ANPEP: variants seen among roughly 807,000 people sequenced by gnomAD.
ANPEP encodes the protein alanyl aminopeptidase, membrane, also known as aminopeptidase N.
ANPEP carries 70 observed loss-of-function variants against 114.6 expected under a neutral mutation model. The ratio of observed to expected loss-of-function variants is 0.61; its 90% CI spans 0.50 to 0.75. The LOEUF (loss-of-function observed/expected upper bound fraction) is 0.75, where lower values mean the gene tolerates loss of function less well. ANPEP is among the 30% of genes least tolerant of loss of function. The probability of loss-of-function intolerance (pLI) is 0.00; values close to 1 mark genes in which losing one functional copy is unlikely to be tolerated. For synonymous variants in ANPEP, 548 were observed against 522.3 expected, an observed-to-expected ratio of 1.05 and a Z score of -0.67; for missense variants, 1,184 against 1,259.5, an observed-to-expected ratio of 0.94 and a Z score of 0.91.
At position 89,799,567 on chromosome 15, in the gene ANPEP, G is replaced by T; in HGVS notation, c.1820-8C>A. 2 of 1,614,198 alleles carry T rather than the reference G, an allele frequency of 1.2e-6. No homozygotes were observed. Among genetic ancestry groups the T allele is most frequent in the Non-Finnish European group, 1.7e-6 (2 of 1,180,042 alleles). ...TGAAGAGATCGTTCTGGGCTGTGGAGAGGGACGAGACCTGGGCAGGGCTGC... is the reference window on the plus strand; with the variant it reads ...TGAAGAGATCGTTCTGGGCTGTGGATAGGGACGAGACCTGGGCAGGGCTGC... On this transcript the variant is annotated splice_polypyrimidine_tract_variant and splice_region_variant and intron_variant, in intron 12 of 20. Coordinates refer to ENST00000300060, the MANE Select transcript of ANPEP (RefSeq NM_001150.3). The surrounding 1 kb of genome is among the most constrained non-coding windows in gnomAD (Gnocchi z 4.2).
rs748870005 is a variant in ANPEP, at chr15:89,806,137, G to A, written c.447C>T (p.Asp149=). The A allele has an allele frequency of 5.0e-6, 8 of 1,614,100 alleles. No homozygotes were observed. The highest frequency in any genetic ancestry group is 3.3e-5 in the Admixed American group (2 of 60,014). ...LRGVGGSQPP[D]IDKTELVEPT... ...GCTCCACCAGCTCAGTCTTGTCAAT[G>A]TCGGGGGGCTGGGAGCCTCCCACAC... The change falls in exon 2 of 21, where the codon GAC becomes GAT. Residue 149 remains aspartate, a synonymous_variant. Coordinates refer to ENST00000300060, the MANE Select transcript of ANPEP (RefSeq NM_001150.3). This position sits in a 1 kb window ranked among gnomAD's most constrained non-coding sequence, Gnocchi z 5.7.
intron 1 of ANPEP, among the ~76,000 whole-genome samples, chr15:89,807,721 C>T (rs972401459): frequency 2.0e-5 from 3 of 152,146 alleles, no homozygotes; most frequent in Non-Finnish European, 4.4e-5. Flanking sequence ...AAATCGTTCC[C>T]TTCTTTCTTA....
chr15:89,786,231 T>C (rs1320469909), intron 20 of ANPEP, among the ~76,000 whole-genome samples: 1 of 152,060 alleles, frequency 6.6e-6, no homozygotes, highest in African/African-American at 2.4e-5. Context: ...TGCCAAAAAC[T>C]ACAAAACATT....
Position 89,804,548 on chromosome 15 carries a change from G to A in ANPEP, c.967C>T (p.Pro323Ser), listed in dbSNP as rs1039228489. Residue 323 changes from proline (P) to serine (S), a missense_variant, in exon 5 of 21, where the codon CCC becomes TCC. Pro to Ser is a moderately conservative substitution (Grantham distance 74). Transcript: ENST00000300060. ...TGACCAGCAAAGAAGTTAAGGATGG[G>A]GCCCGTCACGTTCAGGGCATAATCG... ...HGDYALNVTG[P>S]ILNFFAGHYD... 3.1e-6 allele frequency: 5 copies of A among 1,614,076 alleles called. No homozygotes were observed. The highest frequency in any genetic ancestry group is 4.2e-6 in the Non-Finnish European group (5 of 1,180,032).
chr15:89,790,356 C>G, intron 20 of ANPEP, 104 bp downstream of exon 20: 1 of 983,256 alleles, frequency 1.0e-6, no homozygotes, highest in Non-Finnish European at 1.6e-6. Flanking sequence ...GGCCTGGCGG[C>G]GTGGAGCCTG....
chr15:89,795,755 A>T (rs1453138453), intron 15 of ANPEP, among the ~76,000 whole-genome samples: 1 of 152,208 alleles, frequency 6.6e-6, no homozygotes, highest in African/African-American at 2.4e-5. Context: ...CCTCTCATGA[A>T]CCCTTTCTCA....
At chr15:89,792,940 C>G (rs1049187091) in intron 16 of ANPEP, 95 bp downstream of exon 16, 1 of 1,109,164 alleles carries the variant, frequency 9.0e-7, no homozygotes, top group Non-Finnish European at 1.4e-6. Flanking sequence ...CTGGTGCCCC[C>G]GCATTGAGAG....
At chr15:89,809,727 AAG>A (rs1224082386) in intron 1 of ANPEP, among the ~76,000 whole-genome samples, 1 of 152,190 alleles carries the variant, frequency 6.6e-6, no homozygotes, top group African/African-American at 2.4e-5. Flanking sequence ...GGCTCTGCCT[AAG>A]AGTGTGGGTG....
At position 89,804,520 on chromosome 15, in the gene ANPEP, T is replaced by C. The variant is rs1894667510; in HGVS notation, c.995A>G (p.Tyr332Cys). Reference sequence around the variant, plus strand: ...TTTTGGGAGTGGGTAGGGTGTGTCATAATGACCAGCAAAGAAGTTAAGGAT... The same window carrying C: ...TTTTGGGAGTGGGTAGGGTGTGTCACAATGACCAGCAAAGAAGTTAAGGAT... ...GPILNFFAGH[Y>C]DTPYPLPKSD... is the part of the protein sequence containing the mutation. Residue 332 changes from tyrosine (Y) to cysteine (C), a missense_variant, in exon 5 of 21, where the codon TAT (tyrosine) becomes TGT (cysteine). Transcript: ENST00000300060. The C allele has an allele frequency of 3.7e-6, 6 of 1,614,036 alleles. No individual in the cohort carries two copies. Among genetic ancestry groups the C allele is most frequent in the African/African-American group, 2.7e-5 (2 of 74,908 alleles).
In ANPEP at chr15:89,806,714, C is replaced by A. The variant is rs1332125533; in HGVS notation, c.-131G>T. The A allele has an allele frequency of 7.2e-7, 1 of 1,391,882 alleles. No individual in the cohort carries two copies. The highest frequency in any genetic ancestry group is 9.5e-7 in the Non-Finnish European group (1 of 1,057,730). The allele number at this position is 1,391,882 out of a possible 1,614,324, so 86.2% of individuals were successfully genotyped here. A position where few individuals can be genotyped will look rare whatever the true frequency, so the allele number is the denominator to read the frequency against. ...ACTGGGCAAAAATTAACCAGGGCTC[C>A]AACAGGCGAAGGTCACTGGACTGGG... On this transcript the variant is annotated 5_prime_UTR_variant, in exon 2 of 21. Transcript: ENST00000300060. The surrounding 1 kb of genome is among the most constrained non-coding windows in gnomAD (Gnocchi z 5.7).
intron 1 of ANPEP, among the ~76,000 whole-genome samples, chr15:89,808,659 C>G (rs1316756830): frequency 6.6e-6 from 1 of 152,188 alleles, no homozygotes; most frequent in Non-Finnish European, 1.5e-5. Context: ...CTTCTCCAAG[C>G]ATGGCAGGCA....
chr15:89,790,948 C>T lies in ANPEP; in HGVS notation c.2669+5G>A. 1 of 1,613,740 alleles carries T rather than the reference C, an allele frequency of 6.2e-7. No homozygotes were observed. Among genetic ancestry groups the T allele is most frequent in the Non-Finnish European group, 8.5e-7 (1 of 1,179,772 alleles). ...CTGTCCCTGACACCCATTCCACAGACTCACTCGTTAAAAAGCTTCTTCCAG... is the reference window on the plus strand; with the variant it reads ...CTGTCCCTGACACCCATTCCACAGATTCACTCGTTAAAAAGCTTCTTCCAG... On this transcript the variant is annotated splice_donor_5th_base_variant and intron_variant, in intron 19 of 20. Coordinates refer to ENST00000300060, the MANE Select transcript of ANPEP (RefSeq NM_001150.3).
At position 89,804,432 on chromosome 15, in the gene ANPEP, G is replaced by A. The variant is rs1176367537; in HGVS notation, c.1025-25C>T. The A allele has an allele frequency of 3.1e-6, 5 of 1,613,994 alleles. No homozygotes were observed. The South Asian group carries it at 3.3e-5, about 11-fold the overall frequency. ...TCTGGGGAGGCGATGCCATTGGCAGGATGAACTCCGGGAGTGGAGCTCCAT... is the reference window on the plus strand; with the variant it reads ...TCTGGGGAGGCGATGCCATTGGCAGAATGAACTCCGGGAGTGGAGCTCCAT... On this transcript the variant is annotated intron_variant, in intron 5 of 20. Coordinates refer to ENST00000300060, the MANE Select transcript of ANPEP (RefSeq NM_001150.3).
Position 89,787,490 on chromosome 15 carries a change from G to GA in ANPEP, c.2752-1990dup, listed in dbSNP as rs200076681. 5.7e-4 allele frequency among the ~76,000 whole-genome samples: 86 copies of GA among 151,746 alleles called. No individual in the cohort carries two copies. The South Asian group carries it at 0.011, about 19-fold the overall frequency. Reference sequence around the variant, plus strand: ...TACATAAAGTATAAGCAACCAAAGGGAAAAAAAACAGATAAATAGGATTTC... The same window carrying GA: ...TACATAAAGTATAAGCAACCAAAGGGAAAAAAAAACAGATAAATAGGATTTC... On this transcript the variant is annotated intron_variant, in intron 20 of 20. Coordinates refer to ENST00000300060, the MANE Select transcript of ANPEP (RefSeq NM_001150.3).
In ANPEP at chr15:89,806,338, G is replaced by A. The variant is rs780090847; in HGVS notation, c.246C>T (p.Pro82=). The A allele has an allele frequency of 6.2e-6, 10 of 1,614,044 alleles. No homozygotes were observed. The highest frequency in any genetic ancestry group is 2.2e-5 in the East Asian group (1 of 44,898). Reference sequence around the variant, plus strand: ...GTCTCAGCGTCACCCGGTAGGAATCGGGTTTCAGCGTGTTGGGGAGGCGGT... The same window carrying A: ...GTCTCAGCGTCACCCGGTAGGAATCAGGTTTCAGCGTGTTGGGGAGGCGGT... ...NRYRLPNTLK[P]DSYRVTLRPY... is the part of the protein sequence containing the mutation. Residue 82 remains proline (P), a synonymous_variant, in exon 2 of 21, where the codon CCC becomes CCT. Transcript: ENST00000300060. This position sits in a 1 kb window ranked among gnomAD's most constrained non-coding sequence, Gnocchi z 5.7.
chr15:89,790,584 C>A (rs1198264808), intron 19 of ANPEP, 43 bp from the exon 20 acceptor site: 1 of 1,544,692 alleles, frequency 6.5e-7, no homozygotes, highest in Non-Finnish European at 8.9e-7. Context: ...AGGCCGGGAA[C>A]TAAGGAGGCT....
At position 89,806,097 on chromosome 15, in the gene ANPEP, C is replaced by T. The variant is rs1330961015; in HGVS notation, c.487G>A (p.Val163Met). The part of the protein sequence containing the change: ...TELVEPTEYL[V>M]VHLKGSLVKD... ...ACCAGGGAGCCCTTGAGGTGCACCA[C>T]CAGGTACTCGGTGGGCTCCACCAGC... The change falls in exon 2 of 21, where the codon GTG becomes ATG. Residue 163 changes from valine (V) to methionine (M), a missense_variant. Val to Met is a conservative substitution (Grantham distance 21). Transcript: ENST00000300060. The surrounding 1 kb of genome is among the most constrained non-coding windows in gnomAD (Gnocchi z 5.7). The T allele has an allele frequency of 2.5e-6, 4 of 1,613,994 alleles. No individual in the cohort carries two copies. In the South Asian group the frequency reaches 3.3e-5, roughly 13 times the overall value.
chr15:89,793,171 C>G, intron 15 of ANPEP, 45 bp from the exon 16 acceptor site: 1 of 1,547,044 alleles, frequency 6.5e-7, no homozygotes, highest in Non-Finnish European at 8.9e-7. Flanking sequence ...TCATGCCTGA[C>G]CTGCCTGGAG....
intron 15 of ANPEP, 181 bp from the exon 16 acceptor site, chr15:89,793,307 G>A (rs1418895707): frequency 1.5e-5 from 8 of 533,550 alleles, no homozygotes; most frequent in Non-Finnish European, 2.0e-5. Flanking sequence ...ACTGAGCTGA[G>A]TTTCTTTCTG....
Sources: gnomAD v4.1 joint callset for allele counts (sites outside exome capture counted in the v4.1 genomes callset) on GRCh38, gnomAD v4.1.1 for gene constraint, Gnocchi (gnomAD v3.1) non-coding constraint, MANE v1.5 for transcripts, NCBI Gene and HGNC (gene_info 2026-07-23, HGNC 2026-07-21) for gene names.